LRP5: variants seen among roughly 807,000 people sequenced by gnomAD.
The protein encoded by LRP5 is LDL receptor related protein 5, also known as low-density lipoprotein receptor-related protein 5.
LRP5 carries 62 observed loss-of-function variants against 154.1 expected under a neutral mutation model. The observed-to-expected ratio is 0.40, with a 90% CI of 0.33 to 0.50. The LOEUF (loss-of-function observed/expected upper bound fraction) is 0.50. Among genes scored for constraint, LRP5 ranks in the 20% least tolerant of loss-of-function variants. LRP5 has a pLI of 0.55. For synonymous variants in LRP5, 966 were observed against 1,011.5 expected (o/e 0.96, Z 0.85); for missense variants, 1,915 against 2,336.7 (o/e 0.82, Z 3.72).
chr11:68,321,080 T>G (rs1279419806), intron 1 of LRP5, among the ~76,000 whole-genome samples: 8 of 130,516 alleles, frequency 6.1e-5, no homozygotes, highest in Non-Finnish European at 1.1e-4. Flanking sequence ...TTTTTTTTTT[T>G]GTATATGGTA....
At position 68,357,652 on chromosome 11, in the gene LRP5, A is replaced by T. The variant is rs778000208; in HGVS notation, c.491A>T (p.Tyr164Phe). 6.2e-7 allele frequency: 1 copy of T among 1,613,932 alleles called. No homozygotes were observed. The highest frequency in any genetic ancestry group is 1.3e-5 in the African/African-American group (1 of 75,066). ...RAIALDPAHG[Y>F]MYWTDWGETP... ...CTCTTGCCCTGCCCCCGTCACAGGT[A>T]CATGTACTGGACAGACTGGGGTGAG... Residue 164 changes from tyrosine (Y) to phenylalanine (F), a missense_variant and splice_region_variant, in exon 3 of 23, where the codon TAC becomes TTC. By Grantham distance (22) the Tyr-to-Phe change is conservative. Coordinates refer to ENST00000294304, the MANE Select transcript of LRP5 (RefSeq NM_002335.4).
chr11:68,400,286 C>T (rs1165313840), intron 7 of LRP5, among the ~76,000 whole-genome samples: 1 of 152,138 alleles, frequency 6.6e-6, no homozygotes, highest in Non-Finnish European at 1.5e-5. Flanking sequence ...CCTCTGTGGG[C>T]TCCTTTTTAT....
intron 21 of LRP5, among the ~76,000 whole-genome samples, chr11:68,441,934 T>C (rs549736578): frequency 6.6e-6 from 1 of 152,328 alleles, no homozygotes; most frequent in African/African-American, 2.4e-5. Context: ...TAAATATATG[T>C]TCATGGTACA....
chr11:68,345,786 G>A (rs1279197956), intron 1 of LRP5, among the ~76,000 whole-genome samples: 6 of 152,214 alleles, frequency 3.9e-5, no homozygotes, highest in Admixed American at 6.5e-5. Flanking sequence ...ATTTTTGCCA[G>A]TGGTGCACAA....
intron 2 of LRP5, among the ~76,000 whole-genome samples, chr11:68,349,588 T>G (rs2098616565): frequency 6.6e-6 from 1 of 152,192 alleles, no homozygotes; most frequent in Non-Finnish European, 1.5e-5. Flanking sequence ...TGTGTCCTCC[T>G]CAGCTCCTAG....
In LRP5 at chr11:68,423,056, G is replaced by A. The variant is rs541345219; in HGVS notation, c.3028-433G>A. Among the ~76,000 whole-genome samples the A allele has an allele frequency of 6.6e-6, 1 of 152,268 alleles. No individual in the cohort carries two copies. Among genetic ancestry groups the A allele is most frequent in the Admixed American group, 6.5e-5 (1 of 15,302 alleles). ...AGTCCTGGAAGGTGGAGGAGACAGGGATGTGTTGGGAAGGGCCCCATGGTC... is the reference window on the plus strand; with the variant it reads ...AGTCCTGGAAGGTGGAGGAGACAGGAATGTGTTGGGAAGGGCCCCATGGTC... On this transcript the variant is annotated intron_variant, in intron 13 of 22. Coordinates refer to ENST00000294304, the MANE Select transcript of LRP5 (RefSeq NM_002335.4). This position sits in a 1 kb window ranked among gnomAD's most constrained non-coding sequence, Gnocchi z 4.7.
At chr11:68,404,959 A>G (rs987523145) in intron 8 of LRP5, among the ~76,000 whole-genome samples, 57 of 148,938 alleles carry the variant, frequency 3.8e-4, no homozygotes, top group Non-Finnish European at 7.0e-4. Context: ...CCTGGGCGAC[A>G]GAGCGAGACT....
intron 7 of LRP5, among the ~76,000 whole-genome samples, chr11:68,394,429 C>T (rs1446726154): frequency 6.6e-6 from 1 of 151,410 alleles, no homozygotes; most frequent in Non-Finnish European, 1.5e-5. Context: ...CTGGGGCCTT[C>T]GTGTCACAAT....
At chr11:68,329,269 T>G (rs1179837050) in intron 1 of LRP5, among the ~76,000 whole-genome samples, 2 of 152,242 alleles carry the variant, frequency 1.3e-5, no homozygotes, top group Non-Finnish European at 2.9e-5. Flanking sequence ...ACATTTGTTG[T>G]GTATCACAGT....
upstream of LRP5, among the ~76,000 whole-genome samples, chr11:68,311,451 G>A (rs1203142544): frequency 6.6e-6 from 1 of 152,182 alleles, no homozygotes; most frequent in Non-Finnish European, 1.5e-5. Flanking sequence ...CAGCTCAAGT[G>A]TCCTTCCTTC....
chr11:68,398,433 C>T (rs1012569012), intron 7 of LRP5, among the ~76,000 whole-genome samples: 13 of 152,202 alleles, frequency 8.5e-5, no homozygotes, highest in Non-Finnish European at 2.9e-5. Context: ...GCTGGCAGCT[C>T]GGAGAGGACA....
Position 68,423,403 on chromosome 11 carries a change from G to GGGGGTCTCCGCCAGTGCCA in LRP5, c.3028-67_3028-49dup. ...TGCCCGGGGGTCTCCACCAGTGCCC[G>GGGGGTCTCCGCCAGTGCCA]GGGGTCTCCGCCAGTGCCAGGGGTC... On this transcript the variant is annotated intron_variant, in intron 13 of 22. Coordinates refer to ENST00000294304, the MANE Select transcript of LRP5 (RefSeq NM_002335.4). This position sits in a 1 kb window ranked among gnomAD's most constrained non-coding sequence, Gnocchi z 4.7. The GGGGGTCTCCGCCAGTGCCA allele has an allele frequency of 3.1e-6, 4 of 1,281,158 alleles. No homozygotes were observed. The highest frequency in any genetic ancestry group is 4.6e-6 in the Non-Finnish European group (4 of 878,550). The allele number at this position is 1,281,158 out of a possible 1,614,324, so 79.4% of individuals were successfully genotyped here.
In LRP5 at chr11:68,386,863, C is replaced by A; in HGVS notation, c.1412+151C>A. On this transcript the variant is annotated intron_variant, in intron 6 of 22. Transcript: ENST00000294304. This position sits in a 1 kb window ranked among gnomAD's most constrained non-coding sequence, Gnocchi z 7.9. ...AACACCGGCAGCTGGGCCCCACCCC[C>A]AGAGCGGTGATTCAGGAGCTCCAGG... 1.0e-6 allele frequency: 1 copy of A among 953,258 alleles called. No individual in the cohort carries two copies. Among genetic ancestry groups the A allele is most frequent in the East Asian group, 2.6e-5 (1 of 37,818 alleles). The allele number at this position is 953,258 out of a possible 1,614,324, so 59.0% of individuals were successfully genotyped here.
upstream of LRP5, among the ~76,000 whole-genome samples, chr11:68,311,126 A>G (rs2098587535): frequency 6.6e-6 from 1 of 152,150 alleles, no homozygotes; most frequent in African/African-American, 2.4e-5. Flanking sequence ...TTCTATCTTG[A>G]AAATAGAACC....
chr11:68,432,909 G>T (rs780389226), intron 17 of LRP5, among the ~76,000 whole-genome samples: 1 of 152,196 alleles, frequency 6.6e-6, no homozygotes, highest in Admixed American at 6.5e-5. Context: ...GGCCTCCATG[G>T]TCACACGTAG....
rs1363296047 is a variant in LRP5, at chr11:68,386,723, CG to C, written c.1412+16del. 1.2e-6 allele frequency: 2 copies of C among 1,609,374 alleles called. No homozygotes were observed. Among genetic ancestry groups the C allele is most frequent in the Non-Finnish European group, 1.7e-6 (2 of 1,178,048 alleles). On this transcript the variant is annotated intron_variant, in intron 6 of 22. Transcript: ENST00000294304. This position sits in a 1 kb window ranked among gnomAD's most constrained non-coding sequence, Gnocchi z 7.9. The stretch of plus-strand genomic sequence containing the variant: ...GCACCCCGTGATGGGGTAAGACGGG[CG>C]GGGGCTGGGGCCTGGAGCCAGGGCC...
chr11:68,388,050 GCAGCAGGCAGCGGGAGCA>G (rs2098644001), intron 6 of LRP5, among the ~76,000 whole-genome samples: 2 of 152,028 alleles, frequency 1.3e-5, no homozygotes, highest in Admixed American at 6.6e-5. Context: ...CAGCGGGAGT[GCAGCAGGCAGCGGGAGCA>G]CAGCAGGCAG....
upstream of LRP5, among the ~76,000 whole-genome samples, chr11:68,310,269 G>A (rs538882681): frequency 2.0e-5 from 3 of 152,112 alleles, no homozygotes; most frequent in Non-Finnish European, 4.4e-5. Context: ...GAGGCTAAGT[G>A]GGGTGAAAGA....
chr11:68,449,010 C>A lies in LRP5; in HGVS notation c.4788C>A (p.Thr1596=), dbSNP rs113442867. Residue 1596 remains threonine (T), a synonymous_variant, in exon 23 of 23, where the codon ACC becomes ACA. Transcript: ENST00000294304. ...ACAGCTGCCCGCCCTCGCCCGCCAC[C>A]GAGAGGAGCTACTTCCATCTCTTCC... The part of the protein sequence containing the change: ...AEDSCPPSPA[T]ERSYFHLFPP... 6.3e-7 allele frequency: 1 copy of A among 1,599,792 alleles called. No individual in the cohort carries two copies. The highest frequency in any genetic ancestry group is 1.3e-5 in the African/African-American group (1 of 74,954).
Sources: gnomAD v4.1 joint callset for allele counts (sites outside exome capture counted in the v4.1 genomes callset) on GRCh38, gnomAD v4.1.1 for gene constraint, Gnocchi (gnomAD v3.1) non-coding constraint, MANE v1.5 for transcripts, NCBI Gene and HGNC (gene_info 2026-07-23, HGNC 2026-07-21) for gene names.